The following WNT11 variants were observed in gnomAD, a reference collection of about 807,000 sequenced individuals.
WNT11 encodes the protein protein Wnt-11.
Under a neutral mutation model 35.6 loss-of-function variants are expected in WNT11, and 20 were observed. That is an observed-to-expected ratio of 0.56 (90% CI 0.40 to 0.82). The LOEUF is 0.82. WNT11 is among the 40% of genes least tolerant of loss of function. The pLI is 0.00. For synonymous variants in WNT11, 200 were observed against 211.9 expected (o/e 0.94, Z 0.49); for missense variants, 459 against 504.4 (o/e 0.91, Z 0.86).
intron 4 of WNT11, 150 bp downstream of exon 4, chr11:76,191,414 T>G: frequency 1.1e-6 from 1 of 917,224 alleles, no homozygotes; most frequent in Admixed American, 2.5e-5. Context: ...GCATCTCCAC[T>G]TAGCAGTCCT....
chr11:76,188,032 C>T (rs1213506367), intron 4 of WNT11, among the ~76,000 whole-genome samples: 1 of 152,184 alleles, frequency 6.6e-6, no homozygotes, highest in South Asian at 2.1e-4. Context: ...CACACACAGC[C>T]ATATTTAATC....
upstream of WNT11, among the ~76,000 whole-genome samples, chr11:76,209,801 G>A (rs1334943067): frequency 6.6e-6 from 1 of 152,094 alleles, no homozygotes; most frequent in Non-Finnish European, 1.5e-5. Context: ...CTTCAGCCCC[G>A]GGGGTGGGAG....
chr11:76,199,600 C>CAAG (rs1325648371), intron 1 of WNT11, among the ~76,000 whole-genome samples: 1 of 152,018 alleles, frequency 6.6e-6, no homozygotes, highest in African/African-American at 2.4e-5. Flanking sequence ...GTCAGAAGAT[C>CAAG]AAGACCATTC....
chr11:76,206,535 G>T (rs577288766), upstream of WNT11: 10 of 1,225,478 alleles, frequency 8.2e-6, no homozygotes, highest in African/African-American at 1.6e-5. Context: ...GGGTTAAGGC[G>T]GCGCGCGGGC....
At chr11:76,210,552 G>A (rs1953554649), upstream of WNT11, 1 of 985,240 alleles carries the variant, frequency 1.0e-6, no homozygotes. Context: ...GGTTTCCAGC[G>A]GGCCCGTGCG....
At chr11:76,192,004 C>T (rs573124848) in intron 3 of WNT11, 148 bp from the exon 4 acceptor site, 2 of 1,101,184 alleles carry the variant, frequency 1.8e-6, no homozygotes, top group South Asian at 3.3e-5. Context: ...TGCTTTAAAG[C>T]TTGGAGGTGG....
At chr11:76,204,249 T>C (rs1953433038) in intron 1 of WNT11, among the ~76,000 whole-genome samples, 1 of 152,198 alleles carries the variant, frequency 6.6e-6, no homozygotes, top group African/African-American at 2.4e-5. Flanking sequence ...TCCCCCTCTA[T>C]CTTAAACTCT....
chr11:76,200,309 A>G (rs775221504), intron 1 of WNT11, among the ~76,000 whole-genome samples: 2 of 152,056 alleles, frequency 1.3e-5, no homozygotes, highest in South Asian at 4.1e-4. Flanking sequence ...CTTGACCTAA[A>G]TGGAACTGTT....
chr11:76,196,768 C>T (rs1953295429), intron 1 of WNT11, 50 bp from the exon 2 acceptor site: 4 of 1,524,346 alleles, frequency 2.6e-6, no homozygotes, highest in African/African-American at 1.4e-5. Flanking sequence ...ACAGGGTTGT[C>T]AGGGGCCACA....
At chr11:76,200,337 C>G (rs1455746253) in intron 1 of WNT11, among the ~76,000 whole-genome samples, 1 of 152,212 alleles carries the variant, frequency 6.6e-6, no homozygotes, top group African/African-American at 2.4e-5. Flanking sequence ...GCCCTGGCCT[C>G]ACCTTCTTGG....
At chr11:76,193,795 C>T (rs1953226269) in intron 3 of WNT11, among the ~76,000 whole-genome samples, 1 of 152,186 alleles carries the variant, frequency 6.6e-6, no homozygotes. Flanking sequence ...TGATGAGATG[C>T]CATCTGCACA....
At chr11:76,209,270 C>T (rs1331792642), upstream of WNT11, among the ~76,000 whole-genome samples, 1 of 152,100 alleles carries the variant, frequency 6.6e-6, no homozygotes, top group Admixed American at 6.5e-5. Flanking sequence ...GGGAGGCGGC[C>T]GCCTGGGGCT....
At position 76,206,486 on chromosome 11, in the gene WNT11, T is replaced by C. The variant is rs2134608710; in HGVS notation, c.-79A>G. On this transcript the variant is annotated 5_prime_UTR_variant, in exon 1 of 5. Coordinates refer to ENST00000322563, the MANE Select transcript of WNT11 (RefSeq NM_004626.3). Reference sequence around the variant, plus strand: ...CCTCCGCCTGCACGGCCGCCGCTGGTCCTGCACGCCGCCTGCAGCCGGGGA... The same window carrying C: ...CCTCCGCCTGCACGGCCGCCGCTGGCCCTGCACGCCGCCTGCAGCCGGGGA... The C allele has an allele frequency of 2.0e-5, 25 of 1,270,140 alleles. No homozygotes were observed. Among genetic ancestry groups the C allele is most frequent in the Non-Finnish European group, 2.5e-5 (25 of 1,009,262 alleles). The allele number at this position is 1,270,140 out of a possible 1,614,324, so 78.7% of individuals were successfully genotyped here. A position where few individuals can be genotyped will look rare whatever the true frequency, so the allele number is the denominator to read the frequency against.
intron 4 of WNT11, among the ~76,000 whole-genome samples, chr11:76,188,718 G>A (rs916611960): frequency 2.0e-5 from 3 of 152,254 alleles, no homozygotes; most frequent in Admixed American, 6.5e-5. Flanking sequence ...TGCCCGTGGT[G>A]AGTACAAGGT....
intron 1 of WNT11, among the ~76,000 whole-genome samples, chr11:76,200,386 G>T (rs1953356409): frequency 6.6e-6 from 1 of 152,196 alleles, no homozygotes; most frequent in African/African-American, 2.4e-5. Flanking sequence ...TCCTGGGTGG[G>T]CTCTGACCAC....
upstream of WNT11, among the ~76,000 whole-genome samples, chr11:76,207,287 C>T (rs1203827964): frequency 6.6e-6 from 1 of 152,182 alleles, no homozygotes; most frequent in Non-Finnish European, 1.5e-5. Context: ...CGCTTGAACC[C>T]GGGAGGCGGA....
At position 76,186,567 on chromosome 11, in the gene WNT11, T is replaced by G. The variant is rs1262499961; in HGVS notation, c.*498A>C. On this transcript the variant is annotated 3_prime_UTR_variant, in exon 5 of 5. Coordinates refer to ENST00000322563, the MANE Select transcript of WNT11 (RefSeq NM_004626.3). Reference sequence around the variant, plus strand: ...AAAAGCTATGTTTTATAAATATTTCTGTAGCTTCCACATCCCAAAGGAAGA... The same window carrying G: ...AAAAGCTATGTTTTATAAATATTTCGGTAGCTTCCACATCCCAAAGGAAGA... The G allele has an allele frequency of 5.7e-6, 1 of 175,516 alleles. No homozygotes were observed. The highest frequency in any genetic ancestry group is 5.6e-5 in the Admixed American group (1 of 17,966). 10.9% of individuals were successfully genotyped at this position (175,516 alleles called of 1,614,324 possible). A position where few individuals can be genotyped will look rare whatever the true frequency, so the allele number is the denominator to read the frequency against.
intron 1 of WNT11, among the ~76,000 whole-genome samples, chr11:76,200,055 G>T (rs892066596): frequency 1.3e-5 from 2 of 152,066 alleles, no homozygotes; most frequent in African/African-American, 4.8e-5. Flanking sequence ...TGCCTCTCAC[G>T]CTCTGCCATG....
intron 4 of WNT11, 47 bp from the exon 5 acceptor site, chr11:76,187,286 C>T: frequency 6.4e-7 from 1 of 1,560,438 alleles, no homozygotes. Flanking sequence ...TGGTCACCAC[C>T]CCACCAACAC....
Sources: gnomAD v4.1 joint callset for allele counts (sites outside exome capture counted in the v4.1 genomes callset) on GRCh38, gnomAD v4.1.1 for gene constraint, MANE v1.5 for transcripts, NCBI Gene and HGNC (gene_info 2026-07-23, HGNC 2026-07-21) for gene names.